MORC1: variants seen among roughly 807,000 people sequenced by gnomAD.
MORC1 encodes the protein MORC family CW-type zinc finger protein 1.
Under a neutral mutation model 134.9 loss-of-function variants are expected in MORC1, and 59 were observed. That is an observed-to-expected ratio of 0.44 (90% CI 0.35 to 0.54). MORC1 has a LOEUF of 0.54. Among genes scored for constraint, MORC1 ranks in the 20% least tolerant of loss-of-function variants. The pLI, the probability that MORC1 is intolerant of heterozygous loss-of-function variation, is 0.00. For synonymous variants in MORC1, 395 were observed against 391.7 expected, an observed-to-expected ratio of 1.01 and a Z score of -0.10; for missense variants, 947 against 1,134.5, an observed-to-expected ratio of 0.83 and a Z score of 2.37.
At chr3:109,028,881 C>A (rs1239743927) in intron 16 of MORC1, among the ~76,000 whole-genome samples, 5 of 152,102 alleles carry the variant, frequency 3.3e-5, no homozygotes, top group Non-Finnish European at 7.3e-5. Context: ...TTCGAGCCCA[C>A]TCTAGGTCAC....
intron 16 of MORC1, among the ~76,000 whole-genome samples, chr3:109,032,032 C>A (rs1230847098): frequency 6.6e-6 from 1 of 151,982 alleles, no homozygotes; most frequent in Non-Finnish European, 1.5e-5. Flanking sequence ...TTTTGCTCTT[C>A]TTTTTCAGAG....
chr3:109,093,642 T>A lies in MORC1; in HGVS notation c.584-101A>T, dbSNP rs899714074. 97 of 845,002 alleles carry A rather than the reference T, an allele frequency of 1.1e-4. 1 individual carries two copies. The highest frequency in any genetic ancestry group is 5.1e-4 in the Middle Eastern group (2 of 3,902). 52.3% of individuals were successfully genotyped at this position (845,002 alleles called of 1,614,324 possible). A position where few individuals can be genotyped will look rare whatever the true frequency, so the allele number is the denominator to read the frequency against. On this transcript the variant is annotated intron_variant, in intron 7 of 27. Coordinates refer to ENST00000232603, the MANE Select transcript of MORC1 (RefSeq NM_014429.4). ...CTATGGAACTGAGTCTGCTATAAAA[T>A]TTTCTTTTGTACTTCAGTAAATAGT...
rs1947848956 is a variant in MORC1, at chr3:108,984,737, G to A, written c.2303C>T (p.Ser768Phe). The A allele has an allele frequency of 1.9e-6, 3 of 1,608,902 alleles. No homozygotes were observed. Among genetic ancestry groups the A allele is most frequent in the Admixed American group, 3.4e-5 (2 of 59,028 alleles). The change falls in exon 23 of 28, where the codon TCT (serine) becomes TTT (phenylalanine). Residue 768 changes from serine to phenylalanine, a missense_variant. Physicochemically the swap from Ser to Phe is radical, Grantham distance 155. This residue lies in a region of MORC1 where 722 missense variants were observed against 817.0 expected (regional missense o/e 0.88). Transcript: ENST00000232603. ...TCACCTTTTCCAGCTAGGTAATGAA[G>A]AGCTTCTTTTCATTGCTAGAACATC... is the stretch of plus-strand genomic sequence containing the variant. ...CNDVLAMKRS[S>F]SLPSWKSLLN...
At chr3:109,014,008 A>C (rs1455474025) in intron 17 of MORC1, among the ~76,000 whole-genome samples, 2 of 152,266 alleles carry the variant, frequency 1.3e-5, no homozygotes, top group East Asian at 3.9e-4. Context: ...GTGAGAAATA[A>C]ATTTCTTTTC....
At chr3:108,979,470 A>T in intron 24 of MORC1, 45 bp downstream of exon 24, 1 of 1,596,518 alleles carries the variant, frequency 6.3e-7, no homozygotes, top group Non-Finnish European at 8.6e-7. Flanking sequence ...CACTGCTTAG[A>T]AAGTTAAACA....
intron 8 of MORC1, among the ~76,000 whole-genome samples, chr3:109,077,095 G>C (rs190145138): frequency 4.6e-5 from 7 of 151,900 alleles, no homozygotes; most frequent in Middle Eastern, 3.4e-3. Flanking sequence ...ATGTATTCAA[G>C]AAGTCAAAGA....
intron 15 of MORC1, among the ~76,000 whole-genome samples, chr3:109,034,058 T>C (rs1949313294): frequency 6.6e-6 from 1 of 152,178 alleles, no homozygotes; most frequent in African/African-American, 2.4e-5. Flanking sequence ...TTATACCTTC[T>C]AAGTAACTGT....
intron 9 of MORC1, among the ~76,000 whole-genome samples, chr3:109,068,937 G>T (rs900265904): frequency 2.6e-5 from 4 of 152,160 alleles, no homozygotes; most frequent in Non-Finnish European, 5.9e-5. Flanking sequence ...AGGTGGATCA[G>T]TTGAGGTCAG....
At chr3:109,072,641 T>C (rs2107714073) in intron 8 of MORC1, among the ~76,000 whole-genome samples, 1 of 152,308 alleles carries the variant, frequency 6.6e-6, no homozygotes, top group South Asian at 2.1e-4. Flanking sequence ...ATGGCAATGC[T>C]ACCACTCTTT....
In MORC1 at chr3:108,976,309, C is replaced by A. The variant is rs564946947; in HGVS notation, c.2477+3206G>T. Among the ~76,000 whole-genome samples, 94 of 152,278 alleles carry A rather than the reference C, an allele frequency of 6.2e-4. 1 individual carries two copies. Among genetic ancestry groups the A allele is most frequent in the Non-Finnish European group, 1.0e-3 (68 of 68,012 alleles). On this transcript the variant is annotated intron_variant, in intron 24 of 27. Transcript: ENST00000232603. ...ATACTTCAAAGGTCTCTAACTACTA[C>A]TCTTTTTTATCATGTGACAAGAAAG... is the stretch of plus-strand genomic sequence containing the variant.
chr3:109,109,544 C>T (rs72937310), intron 3 of MORC1, among the ~76,000 whole-genome samples: 7,595 of 152,186 alleles, frequency 0.05, 567 homozygotes, highest in African/African-American at 0.16. Context: ...TTCTTCTTTC[C>T]CTGTGTTCCC....
intron 3 of MORC1, among the ~76,000 whole-genome samples, chr3:109,109,017 T>C (rs1951100685): frequency 6.6e-6 from 1 of 152,200 alleles, no homozygotes; most frequent in African/African-American, 2.4e-5. Context: ...TGCTCATTCA[T>C]TTGGTTCTGA....
In MORC1 at chr3:109,059,883, A is replaced by C. The variant is rs200077629; in HGVS notation, c.967-13T>G. 1 of 1,608,198 alleles carries C rather than the reference A, an allele frequency of 6.2e-7. No individual in the cohort carries two copies. Among genetic ancestry groups the C allele is most frequent in the South Asian group, 1.1e-5 (1 of 90,124 alleles). Reference sequence around the variant, plus strand: ...TCTGTAATACATCCTGGAGAAATGCATTGGTTGGGAGAGAACATAATGCCA... The same window carrying C: ...TCTGTAATACATCCTGGAGAAATGCCTTGGTTGGGAGAGAACATAATGCCA... On this transcript the variant is annotated splice_polypyrimidine_tract_variant and intron_variant, in intron 11 of 27. Coordinates refer to ENST00000232603, the MANE Select transcript of MORC1 (RefSeq NM_014429.4).
At chr3:108,989,687 C>T (rs1947993549) in intron 21 of MORC1, among the ~76,000 whole-genome samples, 1 of 152,136 alleles carries the variant, frequency 6.6e-6, no homozygotes, top group African/African-American at 2.4e-5. Flanking sequence ...TATGAAGGAG[C>T]CATAAGGACT....
intron 16 of MORC1, among the ~76,000 whole-genome samples, chr3:109,031,219 A>G (rs899726597): frequency 2.6e-5 from 4 of 152,182 alleles, no homozygotes; most frequent in African/African-American, 9.7e-5. Flanking sequence ...TGTGGGAAGT[A>G]GCCTAAATTC....
intron 14 of MORC1, among the ~76,000 whole-genome samples, chr3:109,053,949 G>C (rs1349755297): frequency 3.9e-5 from 6 of 151,942 alleles, no homozygotes; most frequent in Non-Finnish European, 7.4e-5. Flanking sequence ...AATCTTTCTG[G>C]AATTAACATA....
intron 14 of MORC1, among the ~76,000 whole-genome samples, chr3:109,049,600 C>T (rs1369946301): frequency 6.6e-6 from 1 of 151,980 alleles, no homozygotes; most frequent in East Asian, 1.9e-4. Flanking sequence ...ATAAACTTTA[C>T]GAGGGATAAA....
intron 16 of MORC1, among the ~76,000 whole-genome samples, chr3:109,029,833 AACAG>A (rs1179341895): frequency 6.6e-6 from 1 of 152,192 alleles, no homozygotes; most frequent in Non-Finnish European, 1.5e-5. Context: ...GATGCCTTCC[AACAG>A]ACAATGTGAT....
rs147618132 is a variant in MORC1, at chr3:108,967,128, T to C, written c.2604+2541A>G. Among the ~76,000 whole-genome samples, 399 of 152,278 alleles carry C rather than the reference T, an allele frequency of 2.6e-3. 1 individual carries two copies. Among genetic ancestry groups the C allele is most frequent in the Non-Finnish European group, 4.1e-3 (280 of 68,020 alleles). On this transcript the variant is annotated intron_variant, in intron 26 of 27. Coordinates refer to ENST00000232603, the MANE Select transcript of MORC1 (RefSeq NM_014429.4). ...GAACTGCTGGTCTCCTGACTGTTTA[T>C]CTCGCTTTGATTTTTTAATCCGACT...
Sources: gnomAD v4.1 joint callset for allele counts (sites outside exome capture counted in the v4.1 genomes callset) on GRCh38, gnomAD v4.1.1 for gene constraint, gnomAD v4.1.1 regional missense constraint, MANE v1.5 for transcripts, NCBI Gene and HGNC (gene_info 2026-07-23, HGNC 2026-07-21) for gene names.